RORA: variants seen among roughly 807,000 people sequenced by gnomAD.
RORA encodes RAR related orphan receptor A.
A neutral mutation model predicts 69.5 loss-of-function variants in RORA; 7 were observed. The ratio of observed to expected loss-of-function variants is 0.10; its 90% confidence interval spans 0.06 to 0.19. RORA has a LOEUF of 0.19. Ranked by LOEUF, RORA falls within the 10% of genes least tolerant of loss-of-function variation. The pLI is 1.00. For synonymous variants in RORA, 261 were observed against 240.8 expected (o/e 1.08, Z -0.78); for missense variants, 457 against 663.0 (o/e 0.69, Z 3.41).
intron 1 of RORA, among the ~76,000 whole-genome samples, chr15:60,914,564 A>G (rs1891815077): frequency 6.6e-6 from 1 of 152,240 alleles, no homozygotes; most frequent in Admixed American, 6.5e-5. Flanking sequence ...CACAGAACGC[A>G]GTAAATATTT....
At chr15:60,826,885 C>A (rs2072971046) in intron 1 of RORA, among the ~76,000 whole-genome samples, 1 of 151,740 alleles carries the variant, frequency 6.6e-6, no homozygotes, top group African/African-American at 2.4e-5. Context: ...AACCCTAAGA[C>A]AATCTCAGAA....
chr15:60,985,582 C>CTCTTTTTT (rs763530590), intron 1 of RORA, among the ~76,000 whole-genome samples: 2 of 100,864 alleles, frequency 2.0e-5, no homozygotes, highest in Non-Finnish European at 3.6e-5. Context: ...AACTCATCCT[C>CTCTTTTTT]TTTTTTTTTT....
rs3053901 is a variant in RORA at position 60,859,474 on chromosome 15, CTTTTT to C, written c.167-180793_167-180789del. ...CTTACTGAATCTGAATTTTCTTTGC[CTTTTT>C]TTTTTTTTTTTTTGAGACAGGGTCT... is the stretch of plus-strand genomic sequence containing the variant. On this transcript the variant is annotated intron_variant, in intron 1 of 10. Transcript: ENST00000335670. Among the ~76,000 whole-genome samples, 478 of 135,418 alleles carry C rather than the reference CTTTTT, an allele frequency of 3.5e-3. 5 individuals are homozygous for C. Among genetic ancestry groups the C allele is most frequent in the African/African-American group, 0.012 (432 of 36,980 alleles). 88.8% of individuals were successfully genotyped at this position (135,418 alleles called of 152,430 possible).
At chr15:60,700,119 C>T (rs2070962224) in intron 1 of RORA, among the ~76,000 whole-genome samples, 1 of 152,144 alleles carries the variant, frequency 6.6e-6, no homozygotes, top group South Asian at 2.1e-4. Flanking sequence ...AGAGGACGCA[C>T]ATATTTTCTG....
At chr15:60,754,417 G>A (rs548007309) in intron 1 of RORA, among the ~76,000 whole-genome samples, 14 of 152,228 alleles carry the variant, frequency 9.2e-5, no homozygotes, top group African/African-American at 3.4e-4. Context: ...ACAAACTCTT[G>A]CTAATTCCAG....
intron 2 of RORA, among the ~76,000 whole-genome samples, chr15:60,540,454 C>T (rs777198913): frequency 3.3e-5 from 5 of 152,052 alleles, no homozygotes; most frequent in East Asian, 1.9e-4. Flanking sequence ...CCTAAGCCTA[C>T]GAGAAAACCA....
intron 1 of RORA, among the ~76,000 whole-genome samples, chr15:61,139,719 C>T (rs1392444874): frequency 1.3e-5 from 2 of 152,130 alleles, no homozygotes; most frequent in African/African-American, 4.8e-5. Flanking sequence ...TCGAGAGAGT[C>T]GACTACTCCT....
chr15:60,830,121 A>G (rs1451429640), intron 1 of RORA, among the ~76,000 whole-genome samples: 4 of 152,240 alleles, frequency 2.6e-5, no homozygotes, highest in Non-Finnish European at 5.9e-5. Context: ...ACTTCCATCC[A>G]TACCTTCACC....
intron 1 of RORA, among the ~76,000 whole-genome samples, chr15:60,795,049 A>G (rs942705022): frequency 2.0e-5 from 3 of 152,186 alleles, no homozygotes; most frequent in African/African-American, 7.2e-5. Context: ...GAAACCTACC[A>G]TAAGCACTGG....
intron 1 of RORA, among the ~76,000 whole-genome samples, chr15:60,769,157 G>C (rs2072034024): frequency 6.6e-6 from 1 of 152,164 alleles, no homozygotes; most frequent in African/African-American, 2.4e-5. Context: ...TTAGCTGTTA[G>C]TCCCAGGAAG....
intron 2 of RORA, among the ~76,000 whole-genome samples, chr15:60,585,112 T>C (rs1381015665): frequency 1.3e-5 from 2 of 152,166 alleles, no homozygotes; most frequent in South Asian, 2.1e-4. Context: ...CAATGCAAAA[T>C]TCATATAAAC....
At chr15:60,655,224 G>A (rs1345968018) in intron 2 of RORA, among the ~76,000 whole-genome samples, 1 of 151,852 alleles carries the variant, frequency 6.6e-6, no homozygotes, top group Non-Finnish European at 1.5e-5. Context: ...TCGCCCTCAT[G>A]GAAACTTTTC....
chr15:60,583,676 A>T (rs1259037106), intron 2 of RORA, among the ~76,000 whole-genome samples: 1 of 152,208 alleles, frequency 6.6e-6, no homozygotes, highest in Non-Finnish European at 1.5e-5. Flanking sequence ...CAGTCTGCCC[A>T]CTTGCTTCTG....
chr15:60,715,143 C>T (rs934799999), intron 1 of RORA, among the ~76,000 whole-genome samples: 4 of 152,142 alleles, frequency 2.6e-5, no homozygotes, highest in African/African-American at 9.7e-5. Context: ...CACAAACACC[C>T]GATTTATTCT....
intron 1 of RORA, among the ~76,000 whole-genome samples, chr15:61,177,392 G>T (rs372288659): frequency 3.9e-5 from 6 of 152,224 alleles, no homozygotes; most frequent in Admixed American, 2.0e-4. Context: ...TCAGTGGTCT[G>T]CACACTCCAG....
At chr15:60,839,060 AT>A (rs1246451057) in intron 1 of RORA, among the ~76,000 whole-genome samples, 1 of 150,780 alleles carries the variant, frequency 6.6e-6, no homozygotes, top group Non-Finnish European at 1.5e-5. Context: ...ACCTGGCTAA[AT>A]TTTTTTTTGT....
At chr15:61,150,233 C>A (rs2079386163) in intron 1 of RORA, among the ~76,000 whole-genome samples, 1 of 152,268 alleles carries the variant, frequency 6.6e-6, no homozygotes, top group African/African-American at 2.4e-5. Context: ...AAGAAATACA[C>A]AATCAGAAAA....
chr15:60,919,845 A>G (rs1391436603), intron 1 of RORA, among the ~76,000 whole-genome samples: 4 of 152,134 alleles, frequency 2.6e-5, no homozygotes, highest in Non-Finnish European at 5.9e-5. Flanking sequence ...TTTTGTACCT[A>G]TGTTTTTAGT....
chr15:61,187,511 G>T (rs991442369), intron 1 of RORA, among the ~76,000 whole-genome samples: 3 of 152,162 alleles, frequency 2.0e-5, no homozygotes, highest in Admixed American at 6.5e-5. Context: ...GAGGGGTGGC[G>T]GTAGGGATGG....
Sources: gnomAD v4.1 joint callset for allele counts (sites outside exome capture counted in the v4.1 genomes callset) on GRCh38, gnomAD v4.1.1 for gene constraint, MANE v1.5 for transcripts, NCBI Gene and HGNC (gene_info 2026-07-23, HGNC 2026-07-21) for gene names.